The following MTCH2 variants were observed in gnomAD, a reference collection of about 807,000 sequenced individuals.
MTCH2 encodes the protein mitochondrial carrier 2, also known as mitochondrial carrier homolog 2.
In MTCH2, 25 loss-of-function variants were observed where a neutral mutation model predicts 50.6. The ratio of observed to expected loss-of-function variants is 0.49; its 90% CI spans 0.36 to 0.69. The LOEUF is 0.69. Ranked by LOEUF, MTCH2 falls within the 30% of genes least tolerant of loss-of-function variation. The pLI is 0.00. For synonymous variants in MTCH2, 106 were observed against 132.0 expected, an observed-to-expected ratio of 0.80 and a Z score of 1.35; for missense variants, 273 against 384.4, an observed-to-expected ratio of 0.71 and a Z score of 2.42.
At chr11:47,639,942 T>C (rs1366659788) in intron 1 of MTCH2, among the ~76,000 whole-genome samples, 3 of 152,148 alleles carry the variant, frequency 2.0e-5, no homozygotes, top group African/African-American at 7.2e-5. Flanking sequence ...CTTTGTACAA[T>C]ATACCCAGGA....
chr11:47,623,166 T>G (rs1476666499), intron 11 of MTCH2, among the ~76,000 whole-genome samples: 2 of 150,498 alleles, frequency 1.3e-5, no homozygotes, highest in Non-Finnish European at 3.0e-5. Flanking sequence ...AGGTCAGGAG[T>G]TCAAGACCAG....
intron 3 of MTCH2, among the ~76,000 whole-genome samples, chr11:47,637,806 T>C (rs1433785705): frequency 6.6e-6 from 1 of 152,182 alleles, no homozygotes; most frequent in African/African-American, 2.4e-5. Context: ...AGCAAAGTAA[T>C]GTATTTTGGC....
the MTCH2 span, among the ~76,000 whole-genome samples, chr11:47,605,800 A>G: frequency 6.6e-6 from 1 of 152,262 alleles, no homozygotes; most frequent in Non-Finnish European, 1.5e-5. Context: ...AACACTATGT[A>G]TGGCCCAAGG....
chr11:47,625,601 AT>A lies in MTCH2; in HGVS notation c.749+72del, dbSNP rs1473723994. ...GATACTGATCATTCATCTTTCCTAAATTTCTACAAGGCTGCTCCGCCTGTCA... is the reference window on the plus strand; with the variant it reads ...GATACTGATCATTCATCTTTCCTAAATTCTACAAGGCTGCTCCGCCTGTCA... On this transcript the variant is annotated intron_variant, in intron 11 of 12. Transcript: ENST00000302503. 3.0e-6 allele frequency: 3 copies of A among 1,012,796 alleles called. No individual in the cohort carries two copies. The African/African-American group carries it at 6.3e-5, about 21-fold the overall frequency. The allele number at this position is 1,012,796 out of a possible 1,614,324, so 62.7% of individuals were successfully genotyped here. A position where few individuals can be genotyped will look rare whatever the true frequency, so the allele number is the denominator to read the frequency against.
chr11:47,618,743 AG>A lies in MTCH2; in HGVS notation c.*89del. ...CCCAAGATTAAATGATTATTAAAAA[AG>A]CGCGCCACACTGTATAGAAATCAAC... On this transcript the variant is annotated 3_prime_UTR_variant, in exon 13 of 13. Transcript: ENST00000302503. 7.8e-7 allele frequency: 1 copy of A among 1,279,284 alleles called. No homozygotes were observed. Among genetic ancestry groups the A allele is most frequent in the Non-Finnish European group, 1.1e-6 (1 of 894,154 alleles). The allele number at this position is 1,279,284 out of a possible 1,614,324, so 79.2% of individuals were successfully genotyped here.
rs1319185335 is a variant in MTCH2 at position 47,617,800 on chromosome 11, T to C, written c.*1033A>G. The C allele has an allele frequency of 2.6e-5, 4 of 152,190 alleles. No individual in the cohort carries two copies. The highest frequency in any genetic ancestry group is 5.9e-5 in the Non-Finnish European group (4 of 68,038). 9.4% of individuals were successfully genotyped at this position (152,190 alleles called of 1,614,324 possible). ...TTAACTGAGGGTATGGCATGTGAGG[T>C]GGTCAGTGTCCTAAGACCCATGTCG... On this transcript the variant is annotated 3_prime_UTR_variant, in exon 13 of 13. Transcript: ENST00000302503.
chr11:47,613,217 CAAACA>C (rs543858305), downstream of MTCH2, among the ~76,000 whole-genome samples: 387 of 151,742 alleles, frequency 2.6e-3, 2 homozygotes, highest in African/African-American at 7.6e-3. Context: ...GTCTCAAAAA[CAAACA>C]AAACAAAACA....
At chr11:47,608,155 C>CTGT in the MTCH2 span, among the ~76,000 whole-genome samples, 2 of 152,172 alleles carry the variant, frequency 1.3e-5, no homozygotes, top group African/African-American at 4.8e-5. Flanking sequence ...GCTTATATGG[C>CTGT]TGTTTTATGG....
chr11:47,608,013 T>C, the MTCH2 span, among the ~76,000 whole-genome samples: 1 of 152,234 alleles, frequency 6.6e-6, no homozygotes, highest in Non-Finnish European at 1.5e-5. Flanking sequence ...TGCATGTGCG[T>C]GCCATATTAG....
chr11:47,621,338 G>T (rs2097292998), intron 12 of MTCH2, among the ~76,000 whole-genome samples: 1 of 152,072 alleles, frequency 6.6e-6, no homozygotes, highest in South Asian at 2.1e-4. Flanking sequence ...CTTTTAAGAA[G>T]TGGACCCCCC....
the MTCH2 span, among the ~76,000 whole-genome samples, chr11:47,610,779 C>T: frequency 6.6e-6 from 1 of 152,198 alleles, no homozygotes; most frequent in Non-Finnish European, 1.5e-5. Context: ...AAATGACCAA[C>T]TTTCCCAAGG....
chr11:47,613,562 C>T (rs1212349079), downstream of MTCH2, among the ~76,000 whole-genome samples: 1 of 152,120 alleles, frequency 6.6e-6, no homozygotes, highest in East Asian at 1.9e-4. Context: ...GATTTCTTCT[C>T]TAGGAAGAAA....
chr11:47,612,269 A>AAT, the MTCH2 span, among the ~76,000 whole-genome samples: 1 of 151,882 alleles, frequency 6.6e-6, no homozygotes, highest in East Asian at 1.9e-4. Context: ...TACAAAAAAA[A>AAT]ATTAGCCAGA....
chr11:47,642,342 G>C lies in MTCH2; in HGVS notation c.87+37C>G. ...GCCCTGAGCAGCAGCGACCGAACGG[G>C]GCGCCGGGCGGGGTAGGGAGCGGCG... On this transcript the variant is annotated intron_variant, in intron 1 of 12. Transcript: ENST00000302503. 3 of 1,436,248 alleles carry C rather than the reference G, an allele frequency of 2.1e-6. No individual in the cohort carries two copies. The South Asian group carries it at 4.0e-5, about 19-fold the overall frequency. The allele number at this position is 1,436,248 out of a possible 1,614,324, so 89.0% of individuals were successfully genotyped here.
chr11:47,640,100 G>A (rs1314486878), intron 1 of MTCH2, among the ~76,000 whole-genome samples: 1 of 151,956 alleles, frequency 6.6e-6, no homozygotes, highest in Non-Finnish European at 1.5e-5. Context: ...AGGCCAAGGT[G>A]GGCGGATCAC....
At chr11:47,605,688 C>T in the MTCH2 span, among the ~76,000 whole-genome samples, 11 of 152,148 alleles carry the variant, frequency 7.2e-5, 1 homozygote, top group Admixed American at 7.2e-4. Flanking sequence ...TGAAGGAGCA[C>T]AGCAGTTACA....
chr11:47,619,747 C>A (rs909808852), intron 12 of MTCH2, among the ~76,000 whole-genome samples: 6 of 152,020 alleles, frequency 3.9e-5, no homozygotes, highest in Non-Finnish European at 1.5e-5. Context: ...TTGAGACCAG[C>A]CTGCACAACA....
intron 10 of MTCH2, 113 bp from the exon 11 acceptor site, chr11:47,625,854 G>A (rs1303721606): frequency 5.6e-6 from 4 of 712,170 alleles, no homozygotes; most frequent in Admixed American, 2.7e-5. Context: ...CACTTGTCTC[G>A]CTTCATCGGT....
chr11:47,634,594 C>T, intron 5 of MTCH2, 78 bp downstream of exon 5: 2 of 1,113,848 alleles, frequency 1.8e-6, no homozygotes, highest in East Asian at 2.4e-5. Flanking sequence ...AACACACAGG[C>T]CTGATGATTC....
Sources: gnomAD v4.1 joint callset for allele counts (sites outside exome capture counted in the v4.1 genomes callset) on GRCh38, gnomAD v4.1.1 for gene constraint, MANE v1.5 for transcripts, NCBI Gene and HGNC (gene_info 2026-07-23, HGNC 2026-07-21) for gene names.